The following CLSTN2 variants were observed in gnomAD, a reference collection of about 807,000 sequenced individuals.
CLSTN2 encodes the protein calsyntenin 2, also known as calsyntenin-2.
Under a neutral mutation model 101.2 loss-of-function variants are expected in CLSTN2, and 48 were observed. The observed-to-expected ratio is 0.47, with a 90% CI of 0.38 to 0.60. The LOEUF (loss-of-function observed/expected upper bound fraction) is 0.60. Ranked by LOEUF, CLSTN2 falls within the 20% of genes least tolerant of loss-of-function variation. The pLI is 0.00. For synonymous variants in CLSTN2, 481 were observed against 463.6 expected, an observed-to-expected ratio of 1.04 and a Z score of -0.48; for missense variants, 1,160 against 1,238.2, an observed-to-expected ratio of 0.94 and a Z score of 0.95.
At chr3:140,519,656 T>G (rs1344496194) in intron 8 of CLSTN2, among the ~76,000 whole-genome samples, 1 of 152,194 alleles carries the variant, frequency 6.6e-6, no homozygotes, top group South Asian at 2.1e-4. Context: ...TGTTTTCCAT[T>G]TTCTTGGTAA....
chr3:139,979,611 T>G (rs1270039155), intron 1 of CLSTN2, among the ~76,000 whole-genome samples: 1 of 152,210 alleles, frequency 6.6e-6, no homozygotes, highest in Non-Finnish European at 1.5e-5. Context: ...TACTATTATG[T>G]CTCAGTGGCC....
At chr3:140,351,787 G>GT (rs1295273635) in intron 2 of CLSTN2, among the ~76,000 whole-genome samples, 62 of 120,876 alleles carry the variant, frequency 5.1e-4, no homozygotes, top group African/African-American at 1.6e-3. Context: ...TTCAGGTTTT[G>GT]TTTTGTTTTT....
intron 2 of CLSTN2, among the ~76,000 whole-genome samples, chr3:140,334,881 A>T (rs1175097366): frequency 6.6e-6 from 1 of 152,144 alleles, no homozygotes; most frequent in African/African-American, 2.4e-5. Context: ...CCTGGAAATC[A>T]ACCTTATATT....
At chr3:140,378,136 C>T (rs1238277741) in intron 2 of CLSTN2, among the ~76,000 whole-genome samples, 1 of 152,174 alleles carries the variant, frequency 6.6e-6, no homozygotes, top group Non-Finnish European at 1.5e-5. Context: ...GTAGTCTGTA[C>T]CACCTAGGTT....
intron 9 of CLSTN2, among the ~76,000 whole-genome samples, chr3:140,535,929 C>G (rs1339444685): frequency 6.6e-6 from 1 of 152,170 alleles, no homozygotes; most frequent in African/African-American, 2.4e-5. Context: ...GATACAAATG[C>G]TACAAACCCT....
intron 1 of CLSTN2, among the ~76,000 whole-genome samples, chr3:139,942,585 A>C (rs185337985): frequency 6.6e-6 from 1 of 152,304 alleles, no homozygotes; most frequent in Non-Finnish European, 1.5e-5. Context: ...AGGAGATCAT[A>C]TAGGAATAGC....
chr3:140,199,680 C>G (rs1009086809), intron 2 of CLSTN2, among the ~76,000 whole-genome samples: 1 of 152,220 alleles, frequency 6.6e-6, no homozygotes, highest in Non-Finnish European at 1.5e-5. Context: ...TTGACTGATA[C>G]AGCTGGCCTT....
At chr3:140,565,931 G>T in intron 16 of CLSTN2, 122 bp from the exon 17 acceptor site, 1 of 1,206,170 alleles carries the variant, frequency 8.3e-7, no homozygotes. Context: ...GAAGAGTTTT[G>T]CACTAAAAGA....
At chr3:140,271,378 A>C (rs1478575401) in intron 2 of CLSTN2, among the ~76,000 whole-genome samples, 1 of 152,182 alleles carries the variant, frequency 6.6e-6, no homozygotes, top group African/African-American at 2.4e-5. Context: ...CTGTTATAAC[A>C]ATGTTACCGA....
chr3:140,350,464 G>T (rs2087593670), intron 2 of CLSTN2, among the ~76,000 whole-genome samples: 1 of 152,100 alleles, frequency 6.6e-6, no homozygotes, highest in Admixed American at 6.5e-5. Context: ...GGTAGGGAGG[G>T]GGCATGAATT....
rs576805441 is a variant in CLSTN2 at position 140,163,345 on chromosome 3, G to A, written c.110-12606G>A. 5.9e-5 allele frequency among the ~76,000 whole-genome samples: 9 copies of A among 151,832 alleles called. No individual in the cohort carries two copies. The South Asian group carries it at 1.9e-3, about 32-fold the overall frequency. ...TTCTGTCTGGGTTTTCAGCCTGCAG[G>A]CCTGACCTACAGTTCTCAAATTTGC... On this transcript the variant is annotated intron_variant, in intron 1 of 16. Coordinates refer to ENST00000458420, the MANE Select transcript of CLSTN2 (RefSeq NM_022131.3).
At chr3:140,199,199 C>T (rs1405074014) in intron 2 of CLSTN2, among the ~76,000 whole-genome samples, 1 of 152,130 alleles carries the variant, frequency 6.6e-6, no homozygotes, top group African/African-American at 2.4e-5. Context: ...ACTTTTTCTC[C>T]CACTTTGGGC....
At chr3:140,174,322 G>A (rs146054335) in intron 1 of CLSTN2, among the ~76,000 whole-genome samples, 1,949 of 152,222 alleles carry the variant, frequency 0.013, 40 homozygotes, top group African/African-American at 0.044. Context: ...GACCACCTCA[G>A]CCTGGAGCTT....
intron 2 of CLSTN2, among the ~76,000 whole-genome samples, chr3:140,376,614 T>C (rs1003452949): frequency 1.3e-5 from 2 of 152,252 alleles, no homozygotes; most frequent in Admixed American, 6.5e-5. Flanking sequence ...ACAAAGTTGT[T>C]GCTGTTGTTT....
chr3:140,024,146 G>A (rs1418705606), intron 1 of CLSTN2, among the ~76,000 whole-genome samples: 1 of 152,184 alleles, frequency 6.6e-6, no homozygotes, highest in African/African-American at 2.4e-5. Context: ...GAATGGTGAG[G>A]ACTCAATGCA....
In CLSTN2 at chr3:140,023,116, A is replaced by C. The variant is rs115750138; in HGVS notation, c.109+87633A>C. On this transcript the variant is annotated intron_variant, in intron 1 of 16. Coordinates refer to ENST00000458420, the MANE Select transcript of CLSTN2 (RefSeq NM_022131.3). ...GGCTCCTGGACACTGCCACTCACCC[A>C]AAACCAGTGGGTTCGTTTCACTGAT... is the stretch of plus-strand genomic sequence containing the variant. Among the ~76,000 whole-genome samples, 250 of 152,230 alleles carry C rather than the reference A, an allele frequency of 1.6e-3. 1 individual carries two copies. Among genetic ancestry groups the C allele is most frequent in the African/African-American group, 5.7e-3 (236 of 41,532 alleles).
rs150549072 is a variant in CLSTN2 at position 140,127,236 on chromosome 3, AT to A, written c.110-48713del. Reference sequence around the variant, plus strand: ...GCTGCAGATCCCAGGTCCACTATTTATTAGGCATTTGACCCGGGGCAAATTG... The same window carrying A: ...GCTGCAGATCCCAGGTCCACTATTTATAGGCATTTGACCCGGGGCAAATTG... On this transcript the variant is annotated intron_variant, in intron 1 of 16. Transcript: ENST00000458420. 5.0e-3 allele frequency among the ~76,000 whole-genome samples: 758 copies of A among 152,198 alleles called. 7 individuals are homozygous for A. Among genetic ancestry groups the A allele is most frequent in the South Asian group, 8.3e-3 (40 of 4,814 alleles).
At chr3:140,124,741 A>G (rs979340034) in intron 1 of CLSTN2, among the ~76,000 whole-genome samples, 2 of 152,180 alleles carry the variant, frequency 1.3e-5, no homozygotes, top group Non-Finnish European at 2.9e-5. Flanking sequence ...AAATATTCAG[A>G]ACTCAATCTT....
At chr3:140,487,525 A>G (rs908137511) in intron 8 of CLSTN2, among the ~76,000 whole-genome samples, 2 of 152,248 alleles carry the variant, frequency 1.3e-5, no homozygotes, top group African/African-American at 4.8e-5. Flanking sequence ...CCAGTGTCCA[A>G]AGTAGAAAAC....
Sources: gnomAD v4.1 joint callset for allele counts (sites outside exome capture counted in the v4.1 genomes callset) on GRCh38, gnomAD v4.1.1 for gene constraint, MANE v1.5 for transcripts, NCBI Gene and HGNC (gene_info 2026-07-23, HGNC 2026-07-21) for gene names.